NR3C1: variants seen among roughly 807,000 people sequenced by gnomAD.
NR3C1 encodes the protein nuclear receptor subfamily 3 group C member 1.
A neutral mutation model predicts 74.0 loss-of-function variants in NR3C1; 14 were observed. The observed-to-expected ratio is 0.19, with a 90% CI of 0.12 to 0.30. The LOEUF is 0.30. Ranked by LOEUF, NR3C1 falls within the 10% of genes least tolerant of loss-of-function variation. The probability of loss-of-function intolerance (pLI) is 1.00; values close to 1 mark genes in which losing one functional copy is unlikely to be tolerated. For synonymous variants in NR3C1, 308 were observed against 332.5 expected (o/e 0.93, Z 0.80); for missense variants, 695 against 909.8 (o/e 0.76, Z 3.04).
chr5:143,287,322 A>C (rs974820610), intron 7 of NR3C1, among the ~76,000 whole-genome samples: 1 of 152,128 alleles, frequency 6.6e-6, no homozygotes, highest in African/African-American at 2.4e-5. Context: ...ATGATCAGGC[A>C]CAAATTATGA....
chr5:143,425,475 A>T (rs1363858013), intron 1 of NR3C1, among the ~76,000 whole-genome samples: 1 of 152,196 alleles, frequency 6.6e-6, no homozygotes, highest in Non-Finnish European at 1.5e-5. Flanking sequence ...TTTGCAAGTC[A>T]TATATCCAGT....
chr5:143,361,991 T>A (rs994730706), intron 2 of NR3C1, among the ~76,000 whole-genome samples: 2 of 152,192 alleles, frequency 1.3e-5, no homozygotes, highest in Admixed American at 1.3e-4. Flanking sequence ...TGGCTAGCCT[T>A]GAGAGAGACA....
At position 143,308,952 on chromosome 5, in the gene NR3C1, C is replaced by A. The variant is rs562425115; in HGVS notation, c.1468+1145G>T. 3.9e-5 allele frequency among the ~76,000 whole-genome samples: 6 copies of A among 152,244 alleles called. No individual in the cohort carries two copies. In the South Asian group the frequency reaches 1.2e-3, roughly 32 times the overall value. On this transcript the variant is annotated intron_variant, in intron 4 of 8. Transcript: ENST00000394464. ...CCTTCACAGAACTTGCAATTTCAAC[C>A]ACAGCAGAATTCCAAACTTTTTTCA...
intron 2 of NR3C1, among the ~76,000 whole-genome samples, chr5:143,389,138 T>C (rs554757260): frequency 6.6e-6 from 1 of 152,308 alleles, no homozygotes; most frequent in Non-Finnish European, 1.5e-5. Flanking sequence ...TCTTTCAAGC[T>C]CACATTTCAA....
At chr5:143,405,329 C>G (rs1464110561), upstream of NR3C1, 1 of 985,512 alleles carries the variant, frequency 1.0e-6, no homozygotes, top group African/African-American at 1.7e-5. Context: ...CAGCCACTCT[C>G]TCACCTCCCG....
intron 2 of NR3C1, among the ~76,000 whole-genome samples, chr5:143,371,020 A>G (rs528211705): frequency 2.6e-5 from 4 of 152,350 alleles, no homozygotes; most frequent in South Asian, 2.1e-4. Flanking sequence ...GAGGACATTA[A>G]TAAAAGTATA....
intron 4 of NR3C1, among the ~76,000 whole-genome samples, chr5:143,301,249 T>C (rs1027045243): frequency 6.6e-6 from 1 of 152,144 alleles, no homozygotes; most frequent in East Asian, 1.9e-4. Flanking sequence ...TGAAGAGAAT[T>C]ACACTATTTA....
chr5:143,333,025 A>C, intron 2 of NR3C1: 1 of 1,590,194 alleles, frequency 6.3e-7, no homozygotes, highest in Non-Finnish European at 8.5e-7. Flanking sequence ...ATTGAGGAGC[A>C]CCTGGGGAAG....
intron 1 of NR3C1, chr5:143,433,687 A>T (rs1307135345): frequency 6.6e-6 from 1 of 152,038 alleles, no homozygotes; most frequent in Non-Finnish European, 1.5e-5. Flanking sequence ...ACTTTCCACC[A>T]TTCCACTGCT....
intron 1 of NR3C1, among the ~76,000 whole-genome samples, chr5:143,428,159 C>T: frequency 6.6e-6 from 1 of 152,180 alleles, no homozygotes; most frequent in Non-Finnish European, 1.5e-5. Context: ...CTGATCCTGC[C>T]AAGCCAAGGT....
chr5:143,349,521 T>C (rs1484687290), intron 2 of NR3C1, among the ~76,000 whole-genome samples: 2 of 152,138 alleles, frequency 1.3e-5, no homozygotes, highest in Non-Finnish European at 2.9e-5. Flanking sequence ...GTGGACTCTA[T>C]CCACACCCAG....
At chr5:143,374,040 T>C (rs188496185) in intron 2 of NR3C1, among the ~76,000 whole-genome samples, 5 of 152,362 alleles carry the variant, frequency 3.3e-5, no homozygotes, top group Admixed American at 6.5e-5. Context: ...TTTATTGATA[T>C]ATAAAGTATT....
chr5:143,317,403 G>A (rs1822373667), intron 2 of NR3C1, among the ~76,000 whole-genome samples: 1 of 152,102 alleles, frequency 6.6e-6, no homozygotes, highest in Non-Finnish European at 1.5e-5. Context: ...GTTATTGATT[G>A]CTCAATGTGT....
chr5:143,338,103 T>C (rs192619584), intron 2 of NR3C1, among the ~76,000 whole-genome samples: 25 of 152,324 alleles, frequency 1.6e-4, no homozygotes, highest in Admixed American at 3.3e-4. Context: ...CATAAAATTA[T>C]AATGGAGCTG....
At chr5:143,323,499 A>T (rs1257824513) in intron 2 of NR3C1, among the ~76,000 whole-genome samples, 1 of 152,024 alleles carries the variant, frequency 6.6e-6, no homozygotes, top group Non-Finnish European at 1.5e-5. Context: ...CTCCCACAAC[A>T]CATGGGAATT....
chr5:143,309,639 T>TC (rs1287361011), intron 4 of NR3C1, among the ~76,000 whole-genome samples: 9 of 151,872 alleles, frequency 5.9e-5, no homozygotes, highest in Non-Finnish European at 1.3e-4. Flanking sequence ...GTTTTTTTTT[T>TC]CCCACCACCC....
At chr5:143,341,986 G>A (rs772950704) in intron 2 of NR3C1, among the ~76,000 whole-genome samples, 3 of 152,112 alleles carry the variant, frequency 2.0e-5, no homozygotes, top group Non-Finnish European at 4.4e-5. Context: ...CCAGGATGAT[G>A]CAATTATTGA....
At chr5:143,404,546 AGGC>A (rs72557313), upstream of NR3C1, 1,179 of 940,896 alleles carry the variant, frequency 1.3e-3, 10 homozygotes, top group East Asian at 0.028. Context: ...CGAGTCTGCG[AGGC>A]GGCGGCGGCG....
chr5:143,379,106 GGGGCC>G (rs1835740301), intron 2 of NR3C1, among the ~76,000 whole-genome samples: 1 of 152,076 alleles, frequency 6.6e-6, no homozygotes, highest in South Asian at 2.1e-4. Flanking sequence ...TCACTTTATT[GGGGCC>G]ACAATTAGTC....
Sources: gnomAD v4.1 joint callset for allele counts (sites outside exome capture counted in the v4.1 genomes callset) on GRCh38, gnomAD v4.1.1 for gene constraint, MANE v1.5 for transcripts, NCBI Gene and HGNC (gene_info 2026-07-23, HGNC 2026-07-21) for gene names.